The following TOGARAM2 variants were observed in gnomAD, a reference collection of about 807,000 sequenced individuals.
TOGARAM2 encodes the protein TOG array regulator of axonemal microtubules 2.
A neutral mutation model predicts 93.3 loss-of-function variants in TOGARAM2; 85 were observed. The ratio of observed to expected loss-of-function variants is 0.91; its 90% confidence interval spans 0.76 to 1.09. TOGARAM2 has a LOEUF of 1.09. TOGARAM2 is among the 50% of genes least tolerant of loss of function. The pLI is 0.00. For missense variants in TOGARAM2, 1,277 were observed against 1,334.5 expected (o/e 0.96, Z 0.67); for synonymous variants, 593 against 552.8 (o/e 1.07, Z -1.02).
chr2:29,012,577 C>G (rs577141314), intron 7 of TOGARAM2, among the ~76,000 whole-genome samples: 1 of 152,320 alleles, frequency 6.6e-6, no homozygotes, highest in Non-Finnish European at 1.5e-5. Flanking sequence ...GGCTCTCCAG[C>G]TTGCTGCTTG....
chr2:29,040,783 C>G (rs1269893275), intron 18 of TOGARAM2, among the ~76,000 whole-genome samples: 1 of 152,186 alleles, frequency 6.6e-6, no homozygotes, highest in Non-Finnish European at 1.5e-5. Context: ...CGCCATAAGG[C>G]TCTCCCATTC....
chr2:29,023,566 G>A (rs1401426384), intron 12 of TOGARAM2, among the ~76,000 whole-genome samples: 1 of 152,148 alleles, frequency 6.6e-6, no homozygotes, highest in Non-Finnish European at 1.5e-5. Context: ...GGTCTAGCTG[G>A]GTCCAGAGAG....
Position 29,017,898 on chromosome 2 carries a change from C to T in TOGARAM2, c.1302C>T (p.Ala434=). 6.2e-7 allele frequency: 1 copy of T among 1,610,126 alleles called. No homozygotes were observed. Among genetic ancestry groups the T allele is most frequent in the African/African-American group, 1.3e-5 (1 of 75,020 alleles). Residue 434 remains alanine (A), a synonymous_variant, in exon 10 of 20, where the codon GCC becomes GCT. Transcript: ENST00000379558. ...SIILRKWASR[A]SLPSIPISRQ... ...TCCTGAGGAAGTGGGCCAGCCGGGCCTCCCTGCCCAGCATCCCCATCAGCC... is the reference window on the plus strand; with the variant it reads ...TCCTGAGGAAGTGGGCCAGCCGGGCTTCCCTGCCCAGCATCCCCATCAGCC...
At chr2:29,014,125 C>A (rs1396660056) in intron 7 of TOGARAM2, among the ~76,000 whole-genome samples, 1 of 152,178 alleles carries the variant, frequency 6.6e-6, no homozygotes, top group African/African-American at 2.4e-5. Flanking sequence ...ACACATCTGG[C>A]CCTGTTTCCC....
intron 6 of TOGARAM2, 75 bp from the exon 7 acceptor site, chr2:29,011,379 GC>G: frequency 2.1e-6 from 3 of 1,440,108 alleles, no homozygotes; most frequent in Non-Finnish European, 2.9e-6. Context: ...CCATCCTGGA[GC>G]CACCCTGGGC....
rs541705386 is a variant in TOGARAM2, at chr2:29,041,731, C to T, written c.2636-3593C>T. On this transcript the variant is annotated intron_variant, in intron 18 of 19. Coordinates refer to ENST00000379558, the MANE Select transcript of TOGARAM2 (RefSeq NM_199280.4). ...GGCTGTTTTCTCTCCAATTCAAGGC[C>T]AGTCTTTGCCTCCTTGTGAGGCAGA... is the stretch of plus-strand genomic sequence containing the variant. Among the ~76,000 whole-genome samples the T allele has an allele frequency of 8.5e-5, 13 of 152,254 alleles. No homozygotes were observed. In the South Asian group the frequency reaches 2.7e-3, roughly 32 times the overall value.
chr2:29,019,799 C>G (rs1314329035), intron 10 of TOGARAM2, among the ~76,000 whole-genome samples: 14 of 152,180 alleles, frequency 9.2e-5, no homozygotes, highest in Non-Finnish European at 1.5e-5. Context: ...CAAATAATCC[C>G]TTAACTTGCT....
chr2:29,029,617 G>A (rs1167152978), intron 14 of TOGARAM2, among the ~76,000 whole-genome samples: 6 of 149,910 alleles, frequency 4.0e-5, no homozygotes, highest in East Asian at 3.9e-4. Flanking sequence ...TTAGCCAGGT[G>A]TGGTGGCGGG....
At position 28,998,273 on chromosome 2, in the gene TOGARAM2, C is replaced by T. The variant is rs1210283915; in HGVS notation, c.139+20C>T. 7.0e-6 allele frequency: 11 copies of T among 1,575,442 alleles called. No individual in the cohort carries two copies. Among genetic ancestry groups the T allele is most frequent in the Non-Finnish European group, 9.5e-6 (11 of 1,153,458 alleles). ...GAGAAGGTGAGATGGGAAGACCTCA[C>T]CTGGTCAGGGCCCCTGGCCTCATCC... On this transcript the variant is annotated intron_variant, in intron 3 of 19. Transcript: ENST00000379558.
In TOGARAM2 at chr2:29,010,436, C is replaced by T. The variant is rs139200175; in HGVS notation, c.831-1019C>T. On this transcript the variant is annotated intron_variant, in intron 6 of 19. Coordinates refer to ENST00000379558, the MANE Select transcript of TOGARAM2 (RefSeq NM_199280.4). Reference sequence around the variant, plus strand: ...GCAATGGCGAATCCCGGCTGATCTACGCCCAGGTTGAAGCTCCGCTCCTCC... The same window carrying T: ...GCAATGGCGAATCCCGGCTGATCTATGCCCAGGTTGAAGCTCCGCTCCTCC... Among the ~76,000 whole-genome samples, 476 of 152,230 alleles carry T rather than the reference C, an allele frequency of 3.1e-3. 3 individuals carry two copies. Among genetic ancestry groups the T allele is most frequent in the African/African-American group, 9.9e-3 (411 of 41,556 alleles).
In TOGARAM2 at chr2:28,963,948, A is replaced by G. The variant is rs185958564; in HGVS notation, c.-147+7251A>G. ...CTTGAACCCAGGAGGTGGAGGTTGC[A>G]GTAAGCCAAGATCGCGCCATTGCAC... is the stretch of plus-strand genomic sequence containing the variant. On this transcript the variant is annotated intron_variant, in intron 1 of 6. Transcript: ENST00000401723. 6.0e-4 allele frequency among the ~76,000 whole-genome samples: 92 copies of G among 152,298 alleles called. 1 individual carries two copies. Among genetic ancestry groups the G allele is most frequent in the African/African-American group, 2.1e-3 (89 of 41,572 alleles).
chr2:29,005,229 ATAT>A (rs1486150499), intron 6 of TOGARAM2, among the ~76,000 whole-genome samples: 10 of 128,068 alleles, frequency 7.8e-5, no homozygotes, highest in Admixed American at 1.6e-4. Flanking sequence ...GCATGTGTGT[ATAT>A]GTGTGTGGGA....
chr2:29,039,847 G>GTTACAGAAGA (rs1666328606), intron 18 of TOGARAM2, among the ~76,000 whole-genome samples: 1 of 152,194 alleles, frequency 6.6e-6, no homozygotes, highest in Non-Finnish European at 1.5e-5. Flanking sequence ...TATTGGGTTA[G>GTTACAGAAGA]TTACAGAAGA....
intron 18 of TOGARAM2, among the ~76,000 whole-genome samples, chr2:29,044,927 A>G (rs1666651424): frequency 6.6e-6 from 1 of 151,578 alleles, no homozygotes; most frequent in Non-Finnish European, 1.5e-5. Context: ...CATCTCTATT[A>G]TCTATCTTCT....
chr2:28,964,157 A>T (rs1274142202), intron 1 of TOGARAM2, among the ~76,000 whole-genome samples: 1 of 152,178 alleles, frequency 6.6e-6, no homozygotes, highest in Non-Finnish European at 1.5e-5. Context: ...AAAGTATTCA[A>T]ATCTCAATAT....
chr2:29,024,162 G>A lies in TOGARAM2; in HGVS notation c.1641G>A (p.Val547=), dbSNP rs368037933. ...AGGTCACCAACCTGCGGTCCAAGGTGTCTCACCTGGCCATCAGCACCTTGG... is the reference window on the plus strand; with the variant it reads ...AGGTCACCAACCTGCGGTCCAAGGTATCTCACCTGGCCATCAGCACCTTGG... ...TGEVTNLRSK[V]SHLAISTLGD... Residue 547 remains valine (V), a synonymous_variant, in exon 13 of 20, where the codon GTG becomes GTA. Coordinates refer to ENST00000379558, the MANE Select transcript of TOGARAM2 (RefSeq NM_199280.4). 7 of 1,587,484 alleles carry A rather than the reference G, an allele frequency of 4.4e-6. No individual in the cohort carries two copies. The highest frequency in any genetic ancestry group is 6.0e-6 in the Non-Finnish European group (7 of 1,166,626).
chr2:29,047,168 C>T (rs1666794076), intron 19 of TOGARAM2: 1 of 152,610 alleles, frequency 6.6e-6, no homozygotes, highest in Non-Finnish European at 1.5e-5. Flanking sequence ...TGGCCTCTTA[C>T]CTTACGGGAA....
At chr2:29,000,605 A>T (rs1484044906) in intron 4 of TOGARAM2, among the ~76,000 whole-genome samples, 1 of 152,128 alleles carries the variant, frequency 6.6e-6, no homozygotes, top group Non-Finnish European at 1.5e-5. Context: ...AGCAATAAGA[A>T]GTCTTGAGGT....
intron 13 of TOGARAM2, among the ~76,000 whole-genome samples, chr2:29,026,094 C>T (rs186919379): frequency 6.6e-4 from 100 of 152,312 alleles, no homozygotes; most frequent in African/African-American, 1.9e-3. Flanking sequence ...CTAGTCCCAT[C>T]CCTTCCGTCA....
Sources: allele counts gnomAD v4.1 joint callset (sites outside exome capture counted in the v4.1 genomes callset), GRCh38; gene constraint gnomAD v4.1.1; transcripts MANE v1.5; gene names NCBI Gene and HGNC (gene_info 2026-07-23, HGNC 2026-07-21).